MYO1D: variants seen among roughly 807,000 people sequenced by gnomAD.
MYO1D encodes the protein unconventional myosin-Id.
A neutral mutation model predicts 122.0 loss-of-function variants in MYO1D; 83 were observed. The observed-to-expected ratio is 0.68, with a 90% CI of 0.57 to 0.82. The LOEUF (loss-of-function observed/expected upper bound fraction) is 0.82, where lower values mean the gene tolerates loss of function less well. MYO1D is among the 40% of genes least tolerant of loss of function. The pLI, the probability that MYO1D is intolerant of heterozygous loss-of-function variation, is 0.00. For synonymous variants in MYO1D, 464 were observed against 446.9 expected, an observed-to-expected ratio of 1.04 and a Z score of -0.48; for missense variants, 1,157 against 1,269.5, an observed-to-expected ratio of 0.91 and a Z score of 1.35.
At chr17:32,601,046 CTCT>C (rs1254889922) in intron 21 of MYO1D, among the ~76,000 whole-genome samples, 1 of 151,784 alleles carries the variant, frequency 6.6e-6, no homozygotes, top group Non-Finnish European at 1.5e-5. Flanking sequence ...TGAATTCAGC[CTCT>C]TAAGTAGCTG....
At chr17:32,680,620 C>T (rs1402739733) in intron 16 of MYO1D, among the ~76,000 whole-genome samples, 1 of 144,568 alleles carries the variant, frequency 6.9e-6, no homozygotes, top group Non-Finnish European at 1.5e-5. Flanking sequence ...CCCACTTGAT[C>T]ATGGTGGATA....
At chr17:32,861,915 G>A (rs535090496) in intron 1 of MYO1D, among the ~76,000 whole-genome samples, 10 of 152,324 alleles carry the variant, frequency 6.6e-5, no homozygotes, top group Non-Finnish European at 1.0e-4. Context: ...CTACTCGGGA[G>A]GCTGAGATAG....
intron 21 of MYO1D, 151 bp from the exon 22 acceptor site, chr17:32,495,066 G>A: frequency 2.0e-6 from 2 of 987,334 alleles, no homozygotes; most frequent in Non-Finnish European, 2.9e-6. Flanking sequence ...GAGAGGCCGA[G>A]GCAAGGCGAG....
chr17:32,720,724 CAAGT>C (rs1010821421), intron 15 of MYO1D, among the ~76,000 whole-genome samples: 9 of 152,104 alleles, frequency 5.9e-5, no homozygotes. Flanking sequence ...GATCAAGCAG[CAAGT>C]AAGTGGCATA....
intron 1 of MYO1D, among the ~76,000 whole-genome samples, chr17:32,844,390 C>CA (rs2090915762): frequency 2.8e-5 from 4 of 144,510 alleles, no homozygotes; most frequent in East Asian, 2.0e-4. Context: ...TGTATATATA[C>CA]TATATATAAT....
intron 20 of MYO1D, among the ~76,000 whole-genome samples, chr17:32,628,180 C>A (rs1339582778): frequency 1.3e-5 from 2 of 152,144 alleles, no homozygotes; most frequent in Non-Finnish European, 2.9e-5. Flanking sequence ...AAAATTTTAA[C>A]CTTTGTTAAC....
intron 16 of MYO1D, among the ~76,000 whole-genome samples, chr17:32,702,418 T>G (rs963119784): frequency 6.6e-6 from 1 of 152,214 alleles, no homozygotes; most frequent in Non-Finnish European, 1.5e-5. Flanking sequence ...CCACATAAAA[T>G]TAGAAACAAT....
chr17:32,826,819 C>T (rs2090726932), intron 1 of MYO1D, among the ~76,000 whole-genome samples: 1 of 152,040 alleles, frequency 6.6e-6, no homozygotes, highest in African/African-American at 2.4e-5. Flanking sequence ...TAATTTCCAG[C>T]TAAATTCTGA....
intron 20 of MYO1D, among the ~76,000 whole-genome samples, chr17:32,630,938 A>G (rs1322909253): frequency 6.6e-6 from 1 of 152,078 alleles, no homozygotes; most frequent in East Asian, 1.9e-4. Flanking sequence ...CTCTGTCTTC[A>G]CATGGCCTTC....
chr17:32,701,910 A>G (rs974217865), intron 16 of MYO1D, among the ~76,000 whole-genome samples: 84 of 152,244 alleles, frequency 5.5e-4, no homozygotes, highest in African/African-American at 1.9e-3. Flanking sequence ...TGACTACCTT[A>G]GCATGTCTGC....
In MYO1D at chr17:32,812,764, A is replaced by G. The variant is rs559130517; in HGVS notation, c.96-31980T>C. 2.6e-5 allele frequency among the ~76,000 whole-genome samples: 4 copies of G among 152,348 alleles called. No homozygotes were observed. The South Asian group carries it at 8.3e-4, about 32-fold the overall frequency. On this transcript the variant is annotated intron_variant, in intron 1 of 21. Transcript: ENST00000318217. ...CACAGTTTTGCTTAGAAACAGCAGC[A>G]TGTTATAACACATTCAGCTTCCTTG... is the stretch of plus-strand genomic sequence containing the variant.
intron 5 of MYO1D, among the ~76,000 whole-genome samples, chr17:32,772,066 T>C (rs1271979964): frequency 6.6e-6 from 1 of 152,250 alleles, no homozygotes; most frequent in Admixed American, 6.5e-5. Context: ...AGCAGTTACC[T>C]AGAAGAAACT....
At chr17:32,606,680 A>G (rs914668323) in intron 20 of MYO1D, among the ~76,000 whole-genome samples, 10 of 152,244 alleles carry the variant, frequency 6.6e-5, no homozygotes, top group Admixed American at 2.6e-4. Context: ...TCAGCAAACC[A>G]GGATTATAAG....
At chr17:32,556,544 G>A (rs1769213167) in intron 21 of MYO1D, among the ~76,000 whole-genome samples, 1 of 131,250 alleles carries the variant, frequency 7.6e-6, no homozygotes. Context: ...CAGGGTTTAT[G>A]GCCACAATTT....
intron 20 of MYO1D, among the ~76,000 whole-genome samples, chr17:32,635,578 A>G (rs1325852226): frequency 1.3e-5 from 2 of 152,142 alleles, no homozygotes; most frequent in East Asian, 3.9e-4. Context: ...CTGTAATCTC[A>G]GCTACTTGGG....
intron 19 of MYO1D, among the ~76,000 whole-genome samples, chr17:32,645,689 T>C (rs2088281173): frequency 6.6e-6 from 1 of 152,254 alleles, no homozygotes; most frequent in Admixed American, 6.5e-5. Context: ...TTCCAGTTGA[T>C]CGAATCAGTT....
intron 21 of MYO1D, among the ~76,000 whole-genome samples, chr17:32,537,360 T>C (rs1488381574): frequency 2.0e-5 from 3 of 152,216 alleles, no homozygotes. Context: ...TTCCATATTG[T>C]CCGTGGCTGC....
chr17:32,805,752 C>A (rs566627266), intron 1 of MYO1D, among the ~76,000 whole-genome samples: 2 of 152,074 alleles, frequency 1.3e-5, no homozygotes, highest in Non-Finnish European at 2.9e-5. Context: ...TCAGGTTGGG[C>A]TGGTTCAAAG....
chr17:32,760,200 C>G (rs767046993), intron 10 of MYO1D, 90 bp downstream of exon 10: 1 of 1,112,218 alleles, frequency 9.0e-7, no homozygotes, highest in African/African-American at 1.6e-5. Context: ...TCAAATACCC[C>G]CAAAAGATCA....
Sources: gnomAD v4.1 joint callset for allele counts (sites outside exome capture counted in the v4.1 genomes callset) on GRCh38, gnomAD v4.1.1 for gene constraint, MANE v1.5 for transcripts, NCBI Gene and HGNC (gene_info 2026-07-23, HGNC 2026-07-21) for gene names.